The following BMPR1A variants were observed in gnomAD, a reference collection of about 807,000 sequenced individuals.
BMPR1A encodes bone morphogenetic protein receptor type-1A.
BMPR1A carries 7 observed loss-of-function variants against 66.0 expected under a neutral mutation model. The ratio of observed to expected loss-of-function variants is 0.11; its 90% CI spans 0.06 to 0.20. The LOEUF is 0.20. Among genes scored for constraint, BMPR1A ranks in the 10% least tolerant of loss-of-function variants. The pLI is 1.00. For missense variants in BMPR1A, 408 were observed against 669.1 expected (o/e 0.61, Z 4.31); for synonymous variants, 200 against 229.7 (o/e 0.87, Z 1.17).
At chr10:86,902,887 G>T (rs994422372) in intron 7 of BMPR1A, among the ~76,000 whole-genome samples, 10 of 152,100 alleles carry the variant, frequency 6.6e-5, no homozygotes, top group Non-Finnish European at 1.2e-4. Flanking sequence ...CTCACACAAG[G>T]CTGGGAGTAG....
chr10:86,851,577 A>G (rs1366298188), intron 2 of BMPR1A, among the ~76,000 whole-genome samples: 3 of 152,206 alleles, frequency 2.0e-5, no homozygotes, highest in Non-Finnish European at 2.9e-5. Flanking sequence ...GTGTACTGGA[A>G]GTTGAACGGG....
intron 1 of BMPR1A, among the ~76,000 whole-genome samples, chr10:86,800,844 AAACT>A (rs1450593304): frequency 2.0e-5 from 3 of 152,242 alleles, no homozygotes; most frequent in Non-Finnish European, 2.9e-5. Flanking sequence ...ACGTAATGAA[AAACT>A]AACTAGAAGA....
At position 86,837,247 on chromosome 10, in the gene BMPR1A, C is replaced by G. The variant is rs12781827; in HGVS notation, c.-267-1618C>G. ...AGAATCAGGCTGTGTGTGTGTGTGT[C>G]TGTGTGTGTGTGTGTGTGTGTGTGT... On this transcript the variant is annotated intron_variant, in intron 1 of 12. Transcript: ENST00000372037. Among the ~76,000 whole-genome samples the G allele has an allele frequency of 2.6e-3, 363 of 138,120 alleles. 2 individuals are homozygous for G. Among genetic ancestry groups the G allele is most frequent in the East Asian group, 7.2e-3 (34 of 4,706 alleles). The allele number at this position is 138,120 out of a possible 152,430, so 90.6% of individuals were successfully genotyped here.
intron 1 of BMPR1A, among the ~76,000 whole-genome samples, chr10:86,821,712 A>G (rs559155104): frequency 6.6e-6 from 1 of 152,310 alleles, no homozygotes; most frequent in South Asian, 2.1e-4. Context: ...CTCTCTTGCC[A>G]AAACGTTGAC....
At chr10:86,793,856 A>G (rs1202163444) in intron 1 of BMPR1A, among the ~76,000 whole-genome samples, 1 of 152,130 alleles carries the variant, frequency 6.6e-6, no homozygotes, top group African/African-American at 2.4e-5. Context: ...CCTTTCGGGA[A>G]GTTCTAAGGA....
At chr10:86,851,102 A>C (rs570157929) in intron 2 of BMPR1A, among the ~76,000 whole-genome samples, 1 of 152,218 alleles carries the variant, frequency 6.6e-6, no homozygotes, top group Non-Finnish European at 1.5e-5. Flanking sequence ...ATGTGAGTCT[A>C]AATTTCTGTT....
chr10:86,889,899 G>T (rs763483788), intron 3 of BMPR1A, among the ~76,000 whole-genome samples, 163 bp from the exon 4 acceptor site: 3 of 152,180 alleles, frequency 2.0e-5, no homozygotes, highest in Admixed American at 6.6e-5. Flanking sequence ...GCATAATAAT[G>T]TATGTCTGTT....
Position 86,924,246 on chromosome 10 carries a change from T to TACAC in BMPR1A, c.*527_*528insACAC, listed in dbSNP as rs1237084280. 5.6e-4 allele frequency: 137 copies of TACAC among 244,894 alleles called. 2 individuals carry two copies. The highest frequency in any genetic ancestry group is 2.5e-3 in the Middle Eastern group (2 of 798). 15.2% of individuals were successfully genotyped at this position (244,894 alleles called of 1,614,324 possible). On this transcript the variant is annotated 3_prime_UTR_variant, in exon 13 of 13. Coordinates refer to ENST00000372037, the MANE Select transcript of BMPR1A (RefSeq NM_004329.3). ...GTGTCCTTAGTGATGTGTGTGTGTC[T>TACAC]CCATGCACATGCACGCCGGGATTCC... is the stretch of plus-strand genomic sequence containing the variant.
At chr10:86,777,669 A>G (rs146574542) in intron 1 of BMPR1A, among the ~76,000 whole-genome samples, 234 of 152,286 alleles carry the variant, frequency 1.5e-3, no homozygotes, top group Middle Eastern at 3.4e-3. Context: ...ATTTTATACA[A>G]CAGATCTCTA....
rs184827960 is a variant in BMPR1A, at chr10:86,915,322, C to T, written c.676-1812C>T. Among the ~76,000 whole-genome samples the T allele has an allele frequency of 3.2e-3, 489 of 152,192 alleles. 2 individuals are homozygous for T. The highest frequency in any genetic ancestry group is 0.011 in the African/African-American group (463 of 41,544). ...TTGGGATTACAGGCGTGAGCCACCA[C>T]GCCTGGCCAAAAAGTGAGAATTTTT... On this transcript the variant is annotated intron_variant, in intron 8 of 12. Coordinates refer to ENST00000372037, the MANE Select transcript of BMPR1A (RefSeq NM_004329.3).
intron 5 of BMPR1A, among the ~76,000 whole-genome samples, chr10:86,896,140 C>T (rs537469909): frequency 9.7e-5 from 14 of 144,766 alleles, no homozygotes; most frequent in East Asian, 4.1e-4. Context: ...GGTAACAGAG[C>T]GAGACTCCGT....
intron 4 of BMPR1A, 53 bp from the exon 5 acceptor site, chr10:86,892,074 G>A (rs1843157539): frequency 2.1e-6 from 3 of 1,458,554 alleles, no homozygotes; most frequent in South Asian, 1.2e-5. Context: ...AATTTCGTTA[G>A]TACTTTCTAT....
At chr10:86,770,272 C>G (rs904978633) in intron 1 of BMPR1A, among the ~76,000 whole-genome samples, 4 of 152,166 alleles carry the variant, frequency 2.6e-5, no homozygotes, top group African/African-American at 9.7e-5. Context: ...GCCTAAGTGA[C>G]AGTGAGGCCC....
At chr10:86,759,404 TTTTG>T (rs566069332) in intron 1 of BMPR1A, among the ~76,000 whole-genome samples, 165 of 152,334 alleles carry the variant, frequency 1.1e-3, no homozygotes, top group African/African-American at 3.1e-3. Flanking sequence ...AATCACGTTT[TTTTG>T]TTTGTTTGTT....
At chr10:86,883,475 G>T (rs1393436719) in intron 3 of BMPR1A, among the ~76,000 whole-genome samples, 1 of 149,836 alleles carries the variant, frequency 6.7e-6, no homozygotes, top group African/African-American at 2.5e-5. Context: ...GTGTGAACCC[G>T]GGAGGCGGAG....
intron 1 of BMPR1A, among the ~76,000 whole-genome samples, chr10:86,811,862 T>G (rs1268938323): frequency 1.3e-5 from 2 of 152,174 alleles, no homozygotes; most frequent in East Asian, 3.9e-4. Context: ...GGAGGATCGC[T>G]TGAGCCCAGG....
chr10:86,830,223 A>T (rs1842248415), intron 1 of BMPR1A, among the ~76,000 whole-genome samples: 1 of 152,208 alleles, frequency 6.6e-6, no homozygotes, highest in Admixed American at 6.5e-5. Context: ...CATCAGCTGG[A>T]GGGTGGCAGA....
intron 1 of BMPR1A, among the ~76,000 whole-genome samples, chr10:86,765,619 CA>C (rs751892137): frequency 2.0e-5 from 3 of 151,872 alleles, no homozygotes; most frequent in Non-Finnish European, 4.4e-5. Flanking sequence ...TTCTTTACTA[CA>C]AACCTTCTCA....
chr10:86,907,515 C>T (rs561372138), intron 7 of BMPR1A, among the ~76,000 whole-genome samples: 1 of 152,244 alleles, frequency 6.6e-6, no homozygotes, highest in Admixed American at 6.5e-5. Context: ...ATATTGAAGG[C>T]CTGTTCATTC....
Sources: allele counts gnomAD v4.1 joint callset (sites outside exome capture counted in the v4.1 genomes callset), GRCh38; gene constraint gnomAD v4.1.1; transcripts MANE v1.5; gene names NCBI Gene and HGNC (gene_info 2026-07-23, HGNC 2026-07-21).